Variants in ARHGEF12 observed in about 807,000 individuals in gnomAD.
ARHGEF12 encodes the protein Rho guanine nucleotide exchange factor 12.
Under a neutral mutation model 211.2 loss-of-function variants are expected in ARHGEF12, and 66 were observed. That is an observed-to-expected ratio of 0.31 (90% CI 0.26 to 0.38). The LOEUF is 0.38. ARHGEF12 is among the 10% of genes least tolerant of loss of function. The probability of loss-of-function intolerance (pLI) is 1.00; values close to 1 mark genes in which losing one functional copy is unlikely to be tolerated. For missense variants in ARHGEF12, 1,429 were observed against 1,869.5 expected (o/e 0.76, Z 4.34); for synonymous variants, 592 against 638.4 (o/e 0.93, Z 1.09).
rs897070511 is a variant in ARHGEF12, at chr11:120,349,779, C to G, written c.32+12504C>G. On this transcript the variant is annotated intron_variant, in intron 1 of 40. Transcript: ENST00000397843. ...AACTTCAGGAATTAGCTAGGTTTTG[C>G]TAGAACTTTCATCTGTGCTTGTAAG... Among the ~76,000 whole-genome samples, 10 of 152,158 alleles carry G rather than the reference C, an allele frequency of 6.6e-5. No homozygotes were observed. The South Asian group carries it at 8.3e-4, about 13-fold the overall frequency.
chr11:120,402,560 ATT>A (rs1236974822), intron 1 of ARHGEF12, among the ~76,000 whole-genome samples: 1 of 152,158 alleles, frequency 6.6e-6, no homozygotes, highest in Non-Finnish European at 1.5e-5. Context: ...TGTAAGAAAA[ATT>A]TGTTTAACCA....
intron 1 of ARHGEF12, among the ~76,000 whole-genome samples, chr11:120,375,822 GCCT>G (rs1417602214): frequency 2.0e-5 from 3 of 151,902 alleles, no homozygotes; most frequent in Non-Finnish European, 2.9e-5. Flanking sequence ...ATGTTCCTTA[GCCT>G]CCTCTTGGCT....
chr11:120,431,730 T>C, intron 10 of ARHGEF12, 41 bp from the exon 11 acceptor site: 1 of 1,522,350 alleles, frequency 6.6e-7, no homozygotes, highest in Non-Finnish European at 8.8e-7. Flanking sequence ...AGTTTTCTTT[T>C]ATGTGTTTGT....
chr11:120,467,967 C>T (rs981314777), intron 29 of ARHGEF12, among the ~76,000 whole-genome samples: 1 of 152,262 alleles, frequency 6.6e-6, no homozygotes. Flanking sequence ...TATCGGTGCC[C>T]ATTTGGCCTA....
intron 15 of ARHGEF12, among the ~76,000 whole-genome samples, chr11:120,442,463 TACACAC>T (rs3074753): frequency 1.4e-5 from 2 of 146,006 alleles, no homozygotes; most frequent in South Asian, 2.2e-4. Context: ...CACATATATA[TACACAC>T]ACACACACAC....
At chr11:120,406,759 T>C (rs1280926771) in intron 2 of ARHGEF12, among the ~76,000 whole-genome samples, 2 of 152,080 alleles carry the variant, frequency 1.3e-5, no homozygotes, top group Non-Finnish European at 2.9e-5. Context: ...GGAGTTTCAC[T>C]GTGTTAGCCA....
chr11:120,371,401 T>G (rs1194339284), intron 1 of ARHGEF12, among the ~76,000 whole-genome samples: 1 of 152,134 alleles, frequency 6.6e-6, no homozygotes, highest in East Asian at 1.9e-4. Context: ...GGCAGGAGAA[T>G]TGCTTGAGCC....
At chr11:120,386,589 A>T (rs1258320638) in intron 1 of ARHGEF12, among the ~76,000 whole-genome samples, 1 of 152,124 alleles carries the variant, frequency 6.6e-6, no homozygotes, top group Non-Finnish European at 1.5e-5. Context: ...GGTTCTTTAG[A>T]TGTATATCAG....
intron 1 of ARHGEF12, among the ~76,000 whole-genome samples, chr11:120,399,428 GT>G (rs760117325): frequency 2.0e-5 from 3 of 149,446 alleles, no homozygotes; most frequent in Non-Finnish European, 4.4e-5. Flanking sequence ...TGAGAACGAA[GT>G]TTATACTTTT....
At chr11:120,438,577 C>T (rs980640350) in intron 12 of ARHGEF12, 2 of 152,184 alleles carry the variant, frequency 1.3e-5, no homozygotes, top group East Asian at 3.8e-4. Context: ...ACTACAGGTA[C>T]ATATTATTCA....
In ARHGEF12 at chr11:120,382,747, A is replaced by G. The variant is rs529612874; in HGVS notation, c.33-23371A>G. On this transcript the variant is annotated intron_variant, in intron 1 of 40. Transcript: ENST00000397843. ...AAGTTGAGCACCTTTTTATATGTGC[A>G]TTGGTTATTTGGATATTCAGAAAAA... Among the ~76,000 whole-genome samples the G allele has an allele frequency of 7.2e-5, 11 of 151,990 alleles. No individual in the cohort carries two copies. The South Asian group carries it at 1.5e-3, about 20-fold the overall frequency.
In ARHGEF12 at chr11:120,448,264, T is replaced by C. The variant is rs780645234; in HGVS notation, c.1653T>C (p.Tyr551=). 2 of 1,614,126 alleles carry C rather than the reference T, an allele frequency of 1.2e-6. No individual in the cohort carries two copies. Among genetic ancestry groups the C allele is most frequent in the East Asian group, 4.5e-5 (2 of 44,872 alleles). ...CCATGCAGTATGTTATTCTCATGTA[T>C]ATGAAGCATTTGGGAGTAAAAGTGA... The part of the protein sequence containing the change: ...SSTMQYVILM[Y]MKHLGVKVKE... Residue 551 remains tyrosine (Y), a synonymous_variant, in exon 20 of 41, where the codon TAT becomes TAC. Transcript: ENST00000397843.
intron 24 of ARHGEF12, 38 bp from the exon 25 acceptor site, chr11:120,458,042 A>G (rs560095024): frequency 2.0e-5 from 31 of 1,588,460 alleles, no homozygotes; most frequent in Middle Eastern, 1.7e-4. Context: ...TTGTCCACCT[A>G]AAGTCTTCAA....
At chr11:120,465,754 C>T (rs978291338) in intron 28 of ARHGEF12, among the ~76,000 whole-genome samples, 2 of 152,188 alleles carry the variant, frequency 1.3e-5, no homozygotes, top group African/African-American at 4.8e-5. Flanking sequence ...TGAGCCACTG[C>T]ACCTGGCCCA....
intron 1 of ARHGEF12, among the ~76,000 whole-genome samples, chr11:120,372,794 T>A (rs1170702087): frequency 1.3e-5 from 2 of 152,126 alleles, no homozygotes; most frequent in Non-Finnish European, 2.9e-5. Flanking sequence ...CTACCTTAGC[T>A]TTTGTCTCTT....
At chr11:120,428,543 C>T (rs111236847) in intron 8 of ARHGEF12, among the ~76,000 whole-genome samples, 4 of 151,964 alleles carry the variant, frequency 2.6e-5, no homozygotes, top group Non-Finnish European at 5.9e-5. Flanking sequence ...TTTAGGAGGG[C>T]GGGGATTTTT....
chr11:120,440,252 T>C (rs1402551684), intron 13 of ARHGEF12, 31 bp downstream of exon 13: 2 of 1,538,418 alleles, frequency 1.3e-6, no homozygotes, highest in Non-Finnish European at 1.8e-6. Flanking sequence ...AAAAAATAGA[T>C]TGTTACTTTC....
rs992822855 is a variant in ARHGEF12, at chr11:120,336,449, G to GCCGCCT, written c.-786_-781dup. Among the ~76,000 whole-genome samples the GCCGCCT allele has an allele frequency of 1.6e-4, 25 of 151,696 alleles. No individual in the cohort carries two copies. Among genetic ancestry groups the GCCGCCT allele is most frequent in the African/African-American group, 2.2e-4 (9 of 41,462 alleles). On this transcript the variant is annotated 5_prime_UTR_variant, in exon 1 of 41. Transcript: ENST00000397843. Reference sequence around the variant, plus strand: ...AGCCGGCCCTGCGCCGGGAGACGCCGCCGCCTCCGCCTCCCGGACCAGGGC... The same window carrying GCCGCCT: ...AGCCGGCCCTGCGCCGGGAGACGCCGCCGCCTCCGCCTCCGCCTCCCGGACCAGGGC...
At chr11:120,357,812 C>T (rs1429676771) in intron 1 of ARHGEF12, among the ~76,000 whole-genome samples, 2 of 152,174 alleles carry the variant, frequency 1.3e-5, no homozygotes, top group Admixed American at 1.3e-4. Flanking sequence ...TCAAGTGATC[C>T]GCCCACCTCA....
Sources: gnomAD v4.1 joint callset for allele counts (sites outside exome capture counted in the v4.1 genomes callset) on GRCh38, gnomAD v4.1.1 for gene constraint, MANE v1.5 for transcripts, NCBI Gene and HGNC (gene_info 2026-07-23, HGNC 2026-07-21) for gene names.